Variants in RNF212B observed in about 807,000 individuals in gnomAD.
RNF212B encodes E3 ubiquitin-protein ligase RNF212B.
In RNF212B, 52 loss-of-function variants were observed where a neutral mutation model predicts 55.5. The observed-to-expected ratio is 0.94, with a 90% CI of 0.75 to 1.18. The LOEUF (loss-of-function observed/expected upper bound fraction) is 1.18, where lower values mean the gene tolerates loss of function less well. RNF212B is among the 50% of genes most tolerant of loss of function. RNF212B has a pLI of 0.00. For missense variants in RNF212B, 289 were observed against 350.4 expected (o/e 0.82, Z 1.40); for synonymous variants, 99 against 121.4 (o/e 0.82, Z 1.21).
At chr14:23,253,036 C>T (rs1289726011) in intron 4 of RNF212B, among the ~76,000 whole-genome samples, 3 of 152,136 alleles carry the variant, frequency 2.0e-5, no homozygotes, top group Non-Finnish European at 4.4e-5. Flanking sequence ...CAACAATTAT[C>T]AGTGAATGGC....
upstream of RNF212B, among the ~76,000 whole-genome samples, chr14:23,236,395 A>G (rs368158713): frequency 9.9e-5 from 15 of 152,152 alleles, no homozygotes; most frequent in African/African-American, 3.4e-4. Context: ...GGCGCCTGTA[A>G]TCCCAGCTAC....
chr14:23,186,374 G>A (rs1877595944), intron 1 of RNF212B, among the ~76,000 whole-genome samples: 2 of 149,328 alleles, frequency 1.3e-5, no homozygotes, highest in African/African-American at 2.5e-5. Flanking sequence ...AAGGAGTCTC[G>A]CTCTGCTGCT....
At chr14:23,197,799 A>G (rs12888887) in intron 2 of RNF212B, among the ~76,000 whole-genome samples, 21,630 of 150,808 alleles carry the variant, frequency 0.14, 2,081 homozygotes, top group East Asian at 0.42. Context: ...TTTTTGAGCA[A>G]CATGGCTGTT....
intron 2 of RNF212B, among the ~76,000 whole-genome samples, chr14:23,241,285 T>A (rs1883545387): frequency 6.6e-6 from 1 of 152,178 alleles, no homozygotes; most frequent in Non-Finnish European, 1.5e-5. Context: ...TAGTTGAGAT[T>A]GTTAGAGTAT....
chr14:23,194,756 A>AAC (rs1350564750), intron 2 of RNF212B, among the ~76,000 whole-genome samples: 9 of 144,580 alleles, frequency 6.2e-5, no homozygotes, highest in Non-Finnish European at 9.0e-5. Context: ...AAAAAAAAAA[A>AAC]ACAACGCTGC....
intron 13 of RNF212B, among the ~76,000 whole-genome samples, chr14:23,270,237 A>C (rs770780575): frequency 1.3e-5 from 2 of 152,186 alleles, no homozygotes; most frequent in African/African-American, 4.8e-5. Flanking sequence ...AAAAGTCCCT[A>C]TATTGAAAAT....
In RNF212B at chr14:23,193,091, TAAAAA is replaced by T. The variant is rs3045528; in HGVS notation, c.-78-211_-78-207del. Among the ~76,000 whole-genome samples, 387 of 113,076 alleles carry T rather than the reference TAAAAA, an allele frequency of 3.4e-3. 2 individuals are homozygous for T. Among genetic ancestry groups the T allele is most frequent in the African/African-American group, 0.011 (325 of 30,642 alleles). The allele number at this position is 113,076 out of a possible 152,430, so 74.2% of individuals were successfully genotyped here. A position where few individuals can be genotyped will look rare whatever the true frequency, so the allele number is the denominator to read the frequency against. On this transcript the variant is annotated intron_variant, in intron 1 of 15. Coordinates refer to the RNF212B transcript ENST00000399910. ...TGGGCAACAAGAGAAAAACTCTGTC[TAAAAA>T]AAAAAAAAAAAAAAAAAAAAAAGAA...
rs559911322 is a variant in RNF212B, at chr14:23,216,268, A to G, written c.-2+22867A>G. Among the ~76,000 whole-genome samples, 137 of 152,182 alleles carry G rather than the reference A, an allele frequency of 9.0e-4. 1 individual carries two copies. The highest frequency in any genetic ancestry group is 3.2e-3 in the African/African-American group (133 of 41,522). On this transcript the variant is annotated intron_variant, in intron 2 of 15. Transcript: ENST00000399910. ...TTCAAAAAAACAAAAACAAAACAAA[A>G]CAAAACAAAATCTATACAAGATGAT...
upstream of RNF212B, among the ~76,000 whole-genome samples, chr14:23,235,920 C>G (rs147970072): frequency 2.0e-5 from 3 of 152,312 alleles, no homozygotes; most frequent in African/African-American, 7.2e-5. Context: ...TCCCACTTTG[C>G]AATCAACTTT....
At chr14:23,235,588 A>G (rs1883039612), upstream of RNF212B, among the ~76,000 whole-genome samples, 1 of 152,242 alleles carries the variant, frequency 6.6e-6, no homozygotes, top group Non-Finnish European at 1.5e-5. Flanking sequence ...TCAGATGAAA[A>G]TTAGACCTTT....
chr14:23,204,959 A>T (rs981378168), intron 2 of RNF212B, among the ~76,000 whole-genome samples: 1 of 152,172 alleles, frequency 6.6e-6, no homozygotes, highest in African/African-American at 2.4e-5. Context: ...GTATAGAAAG[A>T]TACATGGATG....
At position 23,229,172 on chromosome 14, in the gene RNF212B, G is replaced by A. The variant is rs995521397; in HGVS notation, c.-1-11173G>A. Among the ~76,000 whole-genome samples the A allele has an allele frequency of 2.9e-5, 4 of 137,474 alleles. No homozygotes were observed. In the East Asian group the frequency reaches 6.6e-4, roughly 23 times the overall value. 90.2% of individuals were successfully genotyped at this position (137,474 alleles called of 152,430 possible). On this transcript the variant is annotated intron_variant, in intron 2 of 15. Transcript: ENST00000399910. The stretch of plus-strand genomic sequence containing the variant: ...CATAATTTTTTCAAGATTCATCCAT[G>A]TTGTAGCATGTATCAAAACTTTATT...
At position 23,258,599 on chromosome 14, in the gene RNF212B, G is replaced by C; in HGVS notation, c.279G>C (p.Lys93Asn). The change falls in exon 5 of 15, where the codon AAG (lysine) becomes AAC (asparagine). Residue 93 changes from lysine (K) to asparagine (N), a missense_variant. Physicochemically the swap from Lys to Asn is moderately conservative, Grantham distance 94 (BLOSUM62 0). Coordinates refer to ENST00000430154, the MANE Select transcript of RNF212B (RefSeq NM_001282322.3). ...KQTDLLIAFY[K>N]HRITKLETAM... Reference sequence around the variant, plus strand: ...CAGATCTCCTCATCGCCTTTTATAAGCATAGAATTACAAAGTTAGAAACAG... The same window carrying C: ...CAGATCTCCTCATCGCCTTTTATAACCATAGAATTACAAAGTTAGAAACAG... 6.5e-7 allele frequency: 1 copy of C among 1,544,838 alleles called. No homozygotes were observed. Among genetic ancestry groups the C allele is most frequent in the African/African-American group, 1.4e-5 (1 of 72,564 alleles).
intron 2 of RNF212B, chr14:23,193,428 G>T (rs993456079): frequency 6.6e-6 from 1 of 152,160 alleles, no homozygotes; most frequent in South Asian, 2.1e-4. Context: ...CAGTCAAAGA[G>T]AATTCCTAGG....
chr14:23,261,881 C>T (rs552194828), intron 7 of RNF212B, among the ~76,000 whole-genome samples: 4 of 152,022 alleles, frequency 2.6e-5, no homozygotes, highest in Admixed American at 6.6e-5. Context: ...AGGAGAATGG[C>T]GGGAACCCAG....
At position 23,259,866 on chromosome 14, in the gene RNF212B, T is replaced by G. The variant is rs948241769; in HGVS notation, c.345-18T>G. On this transcript the variant is annotated intron_variant, in intron 5 of 14. Coordinates refer to ENST00000430154, the MANE Select transcript of RNF212B (RefSeq NM_001282322.3). Reference sequence around the variant, plus strand: ...ATCCCTGATTTGCTGGAGCTGATTGTTTCCATCTTTTGCCTAGAGAATTGT... The same window carrying G: ...ATCCCTGATTTGCTGGAGCTGATTGGTTCCATCTTTTGCCTAGAGAATTGT... 124 of 1,458,068 alleles carry G rather than the reference T, an allele frequency of 8.5e-5. 1 individual carries two copies. The highest frequency in any genetic ancestry group is 1.1e-4 in the Non-Finnish European group (121 of 1,092,560). 90.3% of individuals were successfully genotyped at this position (1,458,068 alleles called of 1,614,324 possible).
At chr14:23,234,890 A>G (rs1282586527), upstream of RNF212B, among the ~76,000 whole-genome samples, 2 of 152,122 alleles carry the variant, frequency 1.3e-5, no homozygotes, top group Non-Finnish European at 1.5e-5. Context: ...AGCCTGGGCA[A>G]CACAGTGAGA....
chr14:23,266,302 G>T (rs1389182304), intron 11 of RNF212B, among the ~76,000 whole-genome samples: 1 of 150,274 alleles, frequency 6.7e-6, no homozygotes, highest in Non-Finnish European at 1.5e-5. Flanking sequence ...TGGACCCATT[G>T]GTTGTTTATC....
intron 4 of RNF212B, among the ~76,000 whole-genome samples, chr14:23,245,888 C>T (rs1258939885): frequency 6.6e-6 from 1 of 152,088 alleles, no homozygotes; most frequent in Non-Finnish European, 1.5e-5. Context: ...TTTAATAGTC[C>T]TTAATAAGTA....
Sources: gnomAD v4.1 joint callset for allele counts (sites outside exome capture counted in the v4.1 genomes callset) on GRCh38, gnomAD v4.1.1 for gene constraint, MANE v1.5 for transcripts, NCBI Gene and HGNC (gene_info 2026-07-23, HGNC 2026-07-21) for gene names.